Variants in AGAP1 observed in about 807,000 individuals in gnomAD.
AGAP1 encodes ArfGAP with GTPase domain, ankyrin repeat and PH domain 1, also known as arf-GAP with GTPase, ANK repeat and PH domain-containing protein 1.
A neutral mutation model predicts 105.3 loss-of-function variants in AGAP1; 29 were observed. The observed-to-expected ratio is 0.28, with a 90% CI of 0.21 to 0.38. The LOEUF is 0.38. Ranked by LOEUF, AGAP1 falls within the 10% of genes least tolerant of loss-of-function variation. AGAP1 has a pLI of 1.00. For missense variants in AGAP1, 998 were observed against 1,165.1 expected (o/e 0.86, Z 2.09); for synonymous variants, 509 against 485.9 (o/e 1.05, Z -0.63).
chr2:235,890,878 G>C (rs1328966231), intron 10 of AGAP1, among the ~76,000 whole-genome samples: 1 of 142,380 alleles, frequency 7.0e-6, no homozygotes, highest in Non-Finnish European at 1.5e-5. Flanking sequence ...GGAGTTAGTT[G>C]GATTTCTAAG....
At chr2:236,088,060 T>C (rs1428014891) in intron 16 of AGAP1, among the ~76,000 whole-genome samples, 1 of 152,158 alleles carries the variant, frequency 6.6e-6, no homozygotes, top group Non-Finnish European at 1.5e-5. Context: ...ACCCTCAGTC[T>C]CCACGATGGT....
intron 11 of AGAP1, among the ~76,000 whole-genome samples, chr2:235,914,024 A>G (rs1392953884): frequency 6.6e-6 from 1 of 151,782 alleles, no homozygotes; most frequent in African/African-American, 2.4e-5. Context: ...TCTGTTTATA[A>G]TTTTTGGTGC....
At position 235,789,078 on chromosome 2, in the gene AGAP1, G is replaced by A. The variant is rs1178788351; in HGVS notation, c.674-8681G>A. Among the ~76,000 whole-genome samples, 1 of 152,244 alleles carries A rather than the reference G, an allele frequency of 6.6e-6. No homozygotes were observed. The highest frequency in any genetic ancestry group is 1.9e-4 in the East Asian group (1 of 5,196). ...GAGTGCATGGAAGAGGAAGGGATGT[G>A]TGTTTCCTGCAGCGTGATTTGAAGT... On this transcript the variant is annotated intron_variant, in intron 6 of 17. Transcript: ENST00000304032. The surrounding 1 kb of genome is among the most constrained non-coding windows in gnomAD (Gnocchi z 4.2).
At chr2:235,699,294 T>C (rs1281143832) in intron 1 of AGAP1, among the ~76,000 whole-genome samples, 1 of 152,114 alleles carries the variant, frequency 6.6e-6, no homozygotes, top group Non-Finnish European at 1.5e-5. Flanking sequence ...GCAGTGTCTT[T>C]GGTTGCGTTG....
intron 1 of AGAP1, among the ~76,000 whole-genome samples, chr2:235,513,522 G>GAAAAAA (rs5839595): frequency 5.5e-5 from 4 of 73,224 alleles, no homozygotes; most frequent in African/African-American, 6.1e-5. Context: ...CTCCGTCTCA[G>GAAAAAA]AAAAAAAAAA....
At chr2:235,735,509 G>C (rs1314944792) in intron 3 of AGAP1, among the ~76,000 whole-genome samples, 1 of 152,058 alleles carries the variant, frequency 6.6e-6, no homozygotes, top group Non-Finnish European at 1.5e-5. Flanking sequence ...TTTAAAACTG[G>C]CTCTCACATT....
At chr2:235,841,163 T>C (rs1042878706) in intron 9 of AGAP1, among the ~76,000 whole-genome samples, 1 of 151,924 alleles carries the variant, frequency 6.6e-6, no homozygotes, top group South Asian at 2.1e-4. Flanking sequence ...GCACAGCAAG[T>C]GTAGACACCG....
intron 1 of AGAP1, among the ~76,000 whole-genome samples, chr2:235,698,797 G>T (rs555596665): frequency 1.3e-5 from 2 of 152,182 alleles, no homozygotes; most frequent in Non-Finnish European, 2.9e-5. Context: ...CAGCTTGATG[G>T]TTGCATAATT....
chr2:235,773,596 G>A (rs1955627815), intron 6 of AGAP1, among the ~76,000 whole-genome samples: 1 of 152,204 alleles, frequency 6.6e-6, no homozygotes, highest in African/African-American at 2.4e-5. Context: ...AAGTCAGCGT[G>A]AATCGGCCTT....
rs1166300409 is a variant in AGAP1 at position 236,090,361 on chromosome 2, C to T, written c.2115-29831C>T. ...AGACATAATTATTTCAATTACTTCT[C>T]TCTGGTTTTTGAGACGCACACTCAA... On this transcript the variant is annotated intron_variant, in intron 16 of 17. Transcript: ENST00000304032. The surrounding 1 kb of genome is among the most constrained non-coding windows in gnomAD (Gnocchi z 4.3). 1.3e-5 allele frequency among the ~76,000 whole-genome samples: 2 copies of T among 152,200 alleles called. No individual in the cohort carries two copies. The highest frequency in any genetic ancestry group is 4.8e-5 in the African/African-American group (2 of 41,458).
intron 1 of AGAP1, among the ~76,000 whole-genome samples, chr2:235,595,215 A>G (rs958347356): frequency 2.6e-5 from 4 of 152,174 alleles, no homozygotes; most frequent in African/African-American, 9.7e-5. Context: ...GAAGGTTTGT[A>G]AGGGATCTGG....
chr2:235,762,495 G>T (rs772768841), intron 6 of AGAP1, among the ~76,000 whole-genome samples: 6 of 152,162 alleles, frequency 3.9e-5, no homozygotes, highest in Admixed American at 6.5e-5. Flanking sequence ...CGAGGAGAGC[G>T]ATGCACTGAC....
chr2:236,035,316 T>C lies in AGAP1; in HGVS notation c.1646-1245T>C, dbSNP rs1230621090. 6.6e-6 allele frequency among the ~76,000 whole-genome samples: 1 copy of C among 152,138 alleles called. No homozygotes were observed. Among genetic ancestry groups the C allele is most frequent in the Non-Finnish European group, 1.5e-5 (1 of 68,018 alleles). ...CGGAAACATTGAGTCAAATGAGATG[T>C]TGTGTCTGAAAACCTAGTTGAAGAT... On this transcript the variant is annotated intron_variant, in intron 13 of 17. Transcript: ENST00000304032. This position sits in a 1 kb window ranked among gnomAD's most constrained non-coding sequence, Gnocchi z 4.2.
intron 12 of AGAP1, among the ~76,000 whole-genome samples, chr2:235,949,801 C>T (rs2125256844): frequency 6.6e-6 from 1 of 152,290 alleles, no homozygotes; most frequent in Admixed American, 6.5e-5. Context: ...GCACGTGGAC[C>T]CTGTGCTCGT....
Position 235,721,572 on chromosome 2 carries a change from C to T in AGAP1, c.310+3928C>T, listed in dbSNP as rs918192051. ...CACTGTAGTAACGAACTGCCACACACAGTGTGGCTTAAAACAGAAATGTAT... is the reference window on the plus strand; with the variant it reads ...CACTGTAGTAACGAACTGCCACACATAGTGTGGCTTAAAACAGAAATGTAT... On this transcript the variant is annotated intron_variant, in intron 3 of 17. Transcript: ENST00000304032. The surrounding 1 kb of genome is among the most constrained non-coding windows in gnomAD (Gnocchi z 4.5). Among the ~76,000 whole-genome samples, 1 of 152,128 alleles carries T rather than the reference C, an allele frequency of 6.6e-6. No individual in the cohort carries two copies. Among genetic ancestry groups the T allele is most frequent in the African/African-American group, 2.4e-5 (1 of 41,422 alleles).
chr2:235,948,660 G>A (rs1031037184), intron 12 of AGAP1, among the ~76,000 whole-genome samples: 9 of 152,116 alleles, frequency 5.9e-5, no homozygotes, highest in Non-Finnish European at 1.2e-4. Context: ...CTAGAGATGG[G>A]TCCTCAGCTG....
rs1244909388 is a variant in AGAP1, at chr2:236,036,680, G to A, written c.1765G>A (p.Ala589Thr). The part of the protein sequence containing the change: ...WVQAIESQIL[A>T]SLQSCESSKN... ...CCAAGCCATCGAGAGCCAGATCCTG[G>A]CCAGCCTGCAGTCGTGCGAGAGCAG... is the stretch of plus-strand genomic sequence containing the variant. The change falls in exon 14 of 18, where the codon GCC (alanine) becomes ACC (threonine). Residue 589 changes from alanine to threonine, a missense_variant. This residue lies in a region of AGAP1 where 735 missense variants were observed against 833.4 expected (regional missense o/e 0.88). Coordinates refer to ENST00000304032, the MANE Select transcript of AGAP1 (RefSeq NM_001037131.3). The surrounding 1 kb of genome is among the most constrained non-coding windows in gnomAD (Gnocchi z 5.7). The A allele has an allele frequency of 1.2e-6, 2 of 1,614,092 alleles. No homozygotes were observed. The highest frequency in any genetic ancestry group is 2.7e-5 in the African/African-American group (2 of 74,928).
intron 9 of AGAP1, among the ~76,000 whole-genome samples, chr2:235,816,281 A>C (rs1384751421): frequency 6.6e-6 from 1 of 151,910 alleles, no homozygotes; most frequent in Non-Finnish European, 1.5e-5. Flanking sequence ...TACTAAAAAT[A>C]CAAAAAATTA....
At chr2:235,673,126 C>G (rs1406118682) in intron 1 of AGAP1, among the ~76,000 whole-genome samples, 1 of 152,202 alleles carries the variant, frequency 6.6e-6, no homozygotes, top group Non-Finnish European at 1.5e-5. Context: ...TTGCCTTTGG[C>G]TAAAATGTCT....
Sources: allele counts gnomAD v4.1 joint callset (sites outside exome capture counted in the v4.1 genomes callset), GRCh38; gene constraint gnomAD v4.1.1; regional missense constraint gnomAD v4.1.1; non-coding constraint Gnocchi (gnomAD v3.1); transcripts MANE v1.5; gene names NCBI Gene and HGNC (gene_info 2026-07-23, HGNC 2026-07-21).